CWC27: variants seen among roughly 807,000 people sequenced by gnomAD.
CWC27 encodes the protein spliceosome-associated protein CWC27 homolog.
A neutral mutation model predicts 63.6 loss-of-function variants in CWC27; 47 were observed. The observed-to-expected ratio is 0.74, with a 90% CI of 0.58 to 0.94. The LOEUF (loss-of-function observed/expected upper bound fraction) is 0.94, where lower values mean the gene tolerates loss of function less well. Among genes scored for constraint, CWC27 ranks in the 40% least tolerant of loss-of-function variants. The pLI, the probability that CWC27 is intolerant of heterozygous loss-of-function variation, is 0.00. For synonymous variants in CWC27, 175 were observed against 179.8 expected, an observed-to-expected ratio of 0.97 and a Z score of 0.22; for missense variants, 495 against 554.3, an observed-to-expected ratio of 0.89 and a Z score of 1.07.
At chr5:64,838,503 G>A (rs755208245) in intron 10 of CWC27, among the ~76,000 whole-genome samples, 1 of 152,116 alleles carries the variant, frequency 6.6e-6, no homozygotes, top group Non-Finnish European at 1.5e-5. Flanking sequence ...GTGGGCTATT[G>A]CATTTTCATC....
intron 10 of CWC27, among the ~76,000 whole-genome samples, chr5:64,806,056 T>G (rs1744655807): frequency 6.6e-6 from 1 of 151,842 alleles, no homozygotes; most frequent in Non-Finnish European, 1.5e-5. Context: ...AGAGGAGTGT[T>G]TTGGGCTATT....
chr5:64,817,813 T>A (rs563191513), intron 10 of CWC27, among the ~76,000 whole-genome samples: 4 of 152,286 alleles, frequency 2.6e-5, no homozygotes, highest in Non-Finnish European at 5.9e-5. Context: ...ATATATTGAT[T>A]TAATTGTTTT....
At chr5:64,839,285 T>A (rs1745741881) in intron 10 of CWC27, among the ~76,000 whole-genome samples, 1 of 152,186 alleles carries the variant, frequency 6.6e-6, no homozygotes, top group Admixed American at 6.5e-5. Context: ...GATTTTGAAT[T>A]GTGATGGCCG....
At chr5:64,810,215 GT>G (rs1744829390) in intron 10 of CWC27, among the ~76,000 whole-genome samples, 1 of 152,052 alleles carries the variant, frequency 6.6e-6, no homozygotes, top group African/African-American at 2.4e-5. Flanking sequence ...AAATACCTGA[GT>G]TTATTTCTAT....
chr5:65,012,146 C>T (rs1213773633), intron 13 of CWC27, among the ~76,000 whole-genome samples: 1 of 152,138 alleles, frequency 6.6e-6, no homozygotes, highest in African/African-American at 2.4e-5. Context: ...ACTACTCTAT[C>T]TGATTTCTTA....
chr5:64,833,342 A>G (rs556454477), intron 10 of CWC27, among the ~76,000 whole-genome samples: 61 of 151,916 alleles, frequency 4.0e-4, no homozygotes, highest in African/African-American at 1.4e-3. Flanking sequence ...TGTTTATACT[A>G]TTTTAGGTTG....
chr5:64,971,112 A>G (rs1749117772), intron 11 of CWC27, among the ~76,000 whole-genome samples: 1 of 152,166 alleles, frequency 6.6e-6, no homozygotes, highest in East Asian at 1.9e-4. Flanking sequence ...ATGAACCAAG[A>G]TGTTAACTAA....
chr5:64,863,479 C>T (rs1374674808), intron 10 of CWC27, among the ~76,000 whole-genome samples: 1 of 151,858 alleles, frequency 6.6e-6, no homozygotes, highest in African/African-American at 2.4e-5. Flanking sequence ...CTTCCCATCC[C>T]CTCTCCTCCT....
At chr5:64,801,086 C>T (rs952790612) in intron 8 of CWC27, among the ~76,000 whole-genome samples, 4 of 152,000 alleles carry the variant, frequency 2.6e-5, no homozygotes, top group Non-Finnish European at 5.9e-5. Context: ...TTCTAGTGAA[C>T]GCATATATTT....
chr5:64,983,492 G>C (rs904457747), intron 13 of CWC27, among the ~76,000 whole-genome samples: 1 of 152,282 alleles, frequency 6.6e-6, no homozygotes, highest in South Asian at 2.1e-4. Flanking sequence ...TTTGAGAACC[G>C]CTGGGACAAG....
At chr5:64,821,121 T>C (rs1440265173) in intron 10 of CWC27, among the ~76,000 whole-genome samples, 3 of 147,980 alleles carry the variant, frequency 2.0e-5, no homozygotes, top group South Asian at 2.1e-4. Context: ...AGTCTCACTC[T>C]GTCGCCAGGC....
chr5:64,885,387 A>C (rs1489650813), intron 10 of CWC27, 56 bp from the exon 11 acceptor site: 55 of 1,262,576 alleles, frequency 4.4e-5, no homozygotes, highest in Non-Finnish European at 5.9e-5. Flanking sequence ...TGTTTTTGCT[A>C]AACAACTTTT....
At chr5:64,772,919 G>A (rs556715889) in intron 1 of CWC27, among the ~76,000 whole-genome samples, 104 of 151,580 alleles carry the variant, frequency 6.9e-4, no homozygotes, top group Non-Finnish European at 1.1e-3. Context: ...CCTGCGCAAC[G>A]GGGTGAGACT....
chr5:64,875,004 G>C (rs2112329891), intron 10 of CWC27, among the ~76,000 whole-genome samples: 1 of 151,984 alleles, frequency 6.6e-6, no homozygotes, highest in South Asian at 2.1e-4. Flanking sequence ...GTGAAATCTT[G>C]GCTAAGCCAA....
intron 11 of CWC27, among the ~76,000 whole-genome samples, chr5:64,954,527 C>T (rs1338109278): frequency 6.6e-6 from 1 of 151,948 alleles, no homozygotes; most frequent in South Asian, 2.1e-4. Context: ...TCAAAGGAGC[C>T]TCCCACCTTA....
chr5:64,891,803 T>G (rs1252306429), intron 11 of CWC27, among the ~76,000 whole-genome samples: 4 of 151,722 alleles, frequency 2.6e-5, no homozygotes, highest in Non-Finnish European at 5.9e-5. Context: ...TTGTTGTTGT[T>G]GTTGTTGTTG....
intron 10 of CWC27, among the ~76,000 whole-genome samples, chr5:64,883,903 A>C (rs950219907): frequency 6.6e-6 from 1 of 152,136 alleles, no homozygotes; most frequent in Non-Finnish European, 1.5e-5. Flanking sequence ...AGAGAAGATA[A>C]TTTCTATAAT....
At chr5:64,801,240 A>G in intron 8 of CWC27, 62 bp from the exon 9 acceptor site, 3 of 1,329,488 alleles carry the variant, frequency 2.3e-6, no homozygotes, top group Non-Finnish European at 3.1e-6. Flanking sequence ...TTTTTGGGTT[A>G]CAAAATAATT....
chr5:64,807,591 C>T, intron 10 of CWC27: 1 of 1,524,272 alleles, frequency 6.6e-7, no homozygotes, highest in Non-Finnish European at 8.8e-7. Flanking sequence ...ATCCCACTTT[C>T]TTTCCAGCCC....
Sources: gnomAD v4.1 joint callset for allele counts (sites outside exome capture counted in the v4.1 genomes callset) on GRCh38, gnomAD v4.1.1 for gene constraint, MANE v1.5 for transcripts, NCBI Gene and HGNC (gene_info 2026-07-23, HGNC 2026-07-21) for gene names.